The following DTNB variants were observed in gnomAD, a reference collection of about 807,000 sequenced individuals.
The protein encoded by DTNB is DTN-B.
Under a neutral mutation model 90.7 loss-of-function variants are expected in DTNB, and 63 were observed. The ratio of observed to expected loss-of-function variants is 0.69; its 90% CI spans 0.57 to 0.86. DTNB has a LOEUF of 0.86. DTNB is among the 40% of genes least tolerant of loss of function. The pLI is 0.00. For missense variants in DTNB, 744 were observed against 807.1 expected (o/e 0.92, Z 0.95); for synonymous variants, 277 against 286.7 (o/e 0.97, Z 0.34).
chr2:25,611,212 T>C (rs886523477), intron 4 of DTNB, among the ~76,000 whole-genome samples: 14 of 152,228 alleles, frequency 9.2e-5, no homozygotes, highest in Admixed American at 6.5e-5. Context: ...CTGCATTTTA[T>C]CCATTCTCTT....
intron 9 of DTNB, among the ~76,000 whole-genome samples, chr2:25,526,395 A>ATATATATATATATATATAT: frequency 1.4e-4 from 7 of 49,828 alleles, no homozygotes; most frequent in Non-Finnish European, 2.0e-4. Flanking sequence ...ATATATATAT[A>ATATATATATATATATATAT]TTTTTTTTTT....
At position 25,483,935 on chromosome 2, in the gene DTNB, C is replaced by T. The variant is rs182107675; in HGVS notation, c.1002-1062G>A. ...ACTGTACCTTTTCTATGTTTAGATA[C>T]ATAAATACCCTTGTGTAACAGTTGC... On this transcript the variant is annotated intron_variant, in intron 9 of 20. Transcript: ENST00000406818. 2.7e-3 allele frequency among the ~76,000 whole-genome samples: 404 copies of T among 152,320 alleles called. 6 individuals carry two copies. In the South Asian group the frequency reaches 0.043, roughly 16 times the overall value.
intron 10 of DTNB, among the ~76,000 whole-genome samples, chr2:25,462,991 C>T (rs957168510): frequency 1.3e-5 from 2 of 152,216 alleles, no homozygotes; most frequent in Non-Finnish European, 2.9e-5. Context: ...GCGTGAGCCA[C>T]CGCGCCCGGC....
At chr2:25,464,383 C>T (rs2061456335) in intron 10 of DTNB, among the ~76,000 whole-genome samples, 1 of 152,164 alleles carries the variant, frequency 6.6e-6, no homozygotes, top group Non-Finnish European at 1.5e-5. Flanking sequence ...ACACAGGACC[C>T]AACCAGAAAG....
intron 9 of DTNB, among the ~76,000 whole-genome samples, chr2:25,499,789 T>C (rs572412807): frequency 6.6e-6 from 1 of 152,376 alleles, no homozygotes; most frequent in African/African-American, 2.4e-5. Flanking sequence ...GCATTCACAA[T>C]GTGTACTGAA....
At chr2:25,613,707 C>T (rs996515245) in intron 4 of DTNB, among the ~76,000 whole-genome samples, 5 of 150,850 alleles carry the variant, frequency 3.3e-5, no homozygotes, top group Admixed American at 3.3e-4. Context: ...CGCCTGTAAT[C>T]GCAACACGTT....
intron 10 of DTNB, among the ~76,000 whole-genome samples, chr2:25,458,278 T>C (rs1247789650): frequency 6.6e-6 from 1 of 152,210 alleles, no homozygotes; most frequent in Non-Finnish European, 1.5e-5. Flanking sequence ...GTTTGTGTAT[T>C]TTATTTTCAC....
intron 12 of DTNB, among the ~76,000 whole-genome samples, chr2:25,445,686 C>T (rs930357772): frequency 6.6e-6 from 1 of 152,200 alleles, no homozygotes; most frequent in Non-Finnish European, 1.5e-5. Flanking sequence ...AGGGCCTTTA[C>T]ATATGCTGAA....
chr2:25,667,443 T>TGA (rs890098198), intron 1 of DTNB, among the ~76,000 whole-genome samples: 11 of 151,966 alleles, frequency 7.2e-5, no homozygotes, highest in African/African-American at 2.7e-4. Context: ...TGCAGTGAGC[T>TGA]GAGATCATGC....
chr2:25,427,487 T>C, intron 15 of DTNB, 48 bp downstream of exon 15: 6 of 1,580,982 alleles, frequency 3.8e-6, no homozygotes, highest in South Asian at 1.1e-5. Flanking sequence ...GCTGAGGCTG[T>C]GGTGGGAGAA....
At chr2:25,566,580 C>T (rs988331995) in intron 8 of DTNB, among the ~76,000 whole-genome samples, 1 of 152,190 alleles carries the variant, frequency 6.6e-6, no homozygotes, top group African/African-American at 2.4e-5. Flanking sequence ...TGTCTCCTTT[C>T]ACACTCAAGT....
chr2:25,645,095 C>T (rs1000656559), intron 2 of DTNB, among the ~76,000 whole-genome samples: 1 of 152,006 alleles, frequency 6.6e-6, no homozygotes, highest in African/African-American at 2.4e-5. Flanking sequence ...AAAGTGGTAA[C>T]TAAATGGCTG....
chr2:25,599,417 C>A (rs1389736442), intron 5 of DTNB, among the ~76,000 whole-genome samples: 3 of 151,620 alleles, frequency 2.0e-5, no homozygotes, highest in Non-Finnish European at 2.9e-5. Flanking sequence ...TCTTGGCTCA[C>A]TGCAAGCTCC....
chr2:25,543,529 C>A (rs1226663453), intron 8 of DTNB, among the ~76,000 whole-genome samples: 1 of 152,216 alleles, frequency 6.6e-6, no homozygotes, highest in East Asian at 1.9e-4. Flanking sequence ...GTCAGGAACT[C>A]CTGACCTCAA....
At chr2:25,648,993 C>CTTTTTTTTTTT (rs60749102) in intron 2 of DTNB, among the ~76,000 whole-genome samples, 6 of 93,988 alleles carry the variant, frequency 6.4e-5, no homozygotes, top group African/African-American at 2.2e-4. Context: ...TCCTTCCTAC[C>CTTTTTTTTTTT]TTTTTTTTTT....
chr2:25,630,176 CTACGATAACA>C (rs2075361655), intron 3 of DTNB, among the ~76,000 whole-genome samples: 1 of 152,122 alleles, frequency 6.6e-6, no homozygotes, highest in African/African-American at 2.4e-5. Context: ...CAAAAGAAAA[CTACGATAACA>C]TACCACTTCA....
chr2:25,460,832 T>G (rs1283909227), intron 10 of DTNB, among the ~76,000 whole-genome samples: 1 of 151,902 alleles, frequency 6.6e-6, no homozygotes, highest in East Asian at 1.9e-4. Context: ...TTTAAAGAAG[T>G]TTTTCTGAAA....
intron 8 of DTNB, among the ~76,000 whole-genome samples, chr2:25,567,416 T>C (rs2059207258): frequency 6.6e-6 from 1 of 152,260 alleles, no homozygotes; most frequent in Admixed American, 6.5e-5. Context: ...ACTCCCTGAA[T>C]GGCTTACTTT....
At chr2:25,530,278 T>C (rs960862740) in intron 9 of DTNB, among the ~76,000 whole-genome samples, 1 of 151,718 alleles carries the variant, frequency 6.6e-6, no homozygotes, top group African/African-American at 2.4e-5. Context: ...CTACTAAAAA[T>C]TAAAAAAAAT....
Sources: gnomAD v4.1 joint callset for allele counts (sites outside exome capture counted in the v4.1 genomes callset) on GRCh38, gnomAD v4.1.1 for gene constraint, MANE v1.5 for transcripts, NCBI Gene and HGNC (gene_info 2026-07-23, HGNC 2026-07-21) for gene names.